The following KCNH8 variants were observed in gnomAD, a reference collection of about 807,000 sequenced individuals.
The protein encoded by KCNH8 is voltage-gated delayed rectifier potassium channel KCNH8.
Under a neutral mutation model 103.6 loss-of-function variants are expected in KCNH8, and 70 were observed. The observed-to-expected ratio is 0.68, with a 90% CI of 0.56 to 0.82. The LOEUF (loss-of-function observed/expected upper bound fraction) is 0.82. Ranked by LOEUF, KCNH8 falls within the 40% of genes least tolerant of loss-of-function variation. The pLI is 0.00. For missense variants in KCNH8, 1,217 were observed against 1,329.9 expected, an observed-to-expected ratio of 0.92 and a Z score of 1.32; for synonymous variants, 498 against 489.4, an observed-to-expected ratio of 1.02 and a Z score of -0.23.
rs963733879 is a variant in KCNH8 at position 19,491,449 on chromosome 3, T to G, written c.2041-18914T>G. ...TGGTATTTAGTTTTCTGTCCCCCAT[T>G]AGTTTGCTGAGGATTCTTGCCTCCA... On this transcript the variant is annotated intron_variant, in intron 11 of 15. Coordinates refer to ENST00000328405, the MANE Select transcript of KCNH8 (RefSeq NM_144633.3). Among the ~76,000 whole-genome samples the G allele has an allele frequency of 3.9e-5, 6 of 152,212 alleles. 1 individual carries two copies. The highest frequency in any genetic ancestry group is 1.4e-4 in the African/African-American group (6 of 41,444).
At chr3:19,510,470 C>A in intron 12 of KCNH8, 69 bp downstream of exon 12, 1 of 971,350 alleles carries the variant, frequency 1.0e-6, no homozygotes, top group Non-Finnish European at 1.7e-6. Flanking sequence ...TCTGTCTTGT[C>A]TTTCTCTTCA....
rs2066419691 is a variant in KCNH8 at position 19,390,420 on chromosome 3, T to C, written c.812-61T>C. On this transcript the variant is annotated intron_variant, in intron 5 of 15. Transcript: ENST00000328405. ...TTCTTCTTTCTTTCATTGTCCTTCC[T>C]ACCTTCTTTATTCTTCTCTGTCTCT... is the stretch of plus-strand genomic sequence containing the variant. 92 of 1,294,398 alleles carry C rather than the reference T, an allele frequency of 7.1e-5. 2 individuals are homozygous for C. The South Asian group carries it at 1.2e-3, about 17-fold the overall frequency. 80.2% of individuals were successfully genotyped at this position (1,294,398 alleles called of 1,614,324 possible).
chr3:19,213,081 A>G (rs917772605), intron 1 of KCNH8, among the ~76,000 whole-genome samples: 5 of 152,206 alleles, frequency 3.3e-5, no homozygotes, highest in Non-Finnish European at 5.9e-5. Flanking sequence ...CTTGGAGATC[A>G]TAGACTCCTT....
At chr3:19,353,641 T>G (rs1391048460) in intron 5 of KCNH8, among the ~76,000 whole-genome samples, 2 of 152,178 alleles carry the variant, frequency 1.3e-5, no homozygotes, top group South Asian at 4.1e-4. Flanking sequence ...ACCACATGAT[T>G]ATCTCAATAG....
chr3:19,157,258 A>G (rs2063190051), intron 1 of KCNH8, among the ~76,000 whole-genome samples: 1 of 152,140 alleles, frequency 6.6e-6, no homozygotes, highest in African/African-American at 2.4e-5. Flanking sequence ...AGAATAAAGT[A>G]GAAGGTAAAA....
At chr3:19,283,444 A>G (rs113486096) in intron 3 of KCNH8, among the ~76,000 whole-genome samples, 171 of 152,320 alleles carry the variant, frequency 1.1e-3, no homozygotes, top group African/African-American at 3.9e-3. Flanking sequence ...TGTGCAAAAT[A>G]TGATTTAATT....
intron 3 of KCNH8, among the ~76,000 whole-genome samples, chr3:19,331,687 C>T (rs2065512277): frequency 6.6e-6 from 1 of 152,144 alleles, no homozygotes; most frequent in South Asian, 2.1e-4. Flanking sequence ...ATAGTCACAT[C>T]AGGGTAAATG....
intron 11 of KCNH8, among the ~76,000 whole-genome samples, chr3:19,465,474 C>T (rs1378671966): frequency 6.6e-6 from 1 of 152,084 alleles, no homozygotes; most frequent in East Asian, 1.9e-4. Context: ...CCCAAGAGCT[C>T]TGATGGAGAT....
chr3:19,375,119 G>A (rs1029544624), intron 5 of KCNH8, among the ~76,000 whole-genome samples: 10 of 151,502 alleles, frequency 6.6e-5, no homozygotes, highest in East Asian at 1.9e-4. Flanking sequence ...TCTTTGTGGC[G>A]TTCTCTGTAT....
chr3:19,152,181 A>G (rs2125178867), intron 1 of KCNH8, among the ~76,000 whole-genome samples: 1 of 152,288 alleles, frequency 6.6e-6, no homozygotes, highest in African/African-American at 2.4e-5. Context: ...AATTTAAGAA[A>G]ATCTTTTCTG....
intron 11 of KCNH8, among the ~76,000 whole-genome samples, chr3:19,494,873 C>T (rs111306970): frequency 3.6e-4 from 54 of 151,052 alleles, no homozygotes; most frequent in African/African-American, 1.3e-3. Context: ...TATTTTTCAA[C>T]TTTTAATAAT....
chr3:19,489,820 G>T (rs1255322490), intron 11 of KCNH8, among the ~76,000 whole-genome samples: 1 of 152,032 alleles, frequency 6.6e-6, no homozygotes, highest in Non-Finnish European at 1.5e-5. Context: ...TCAAATCCAA[G>T]CCAGGTCAAA....
intron 5 of KCNH8, among the ~76,000 whole-genome samples, chr3:19,374,320 T>C (rs1320391455): frequency 4.6e-5 from 7 of 151,762 alleles, no homozygotes; most frequent in African/African-American, 1.5e-4. Context: ...CTATTTAGGA[T>C]AGTTAGCTCT....
chr3:19,300,326 TTGAA>T (rs1270910750), intron 3 of KCNH8, among the ~76,000 whole-genome samples: 1 of 151,970 alleles, frequency 6.6e-6, no homozygotes, highest in Non-Finnish European at 1.5e-5. Flanking sequence ...AAGCTAGTAT[TTGAA>T]TGACCAGTTT....
rs144669429 is a variant in KCNH8, at chr3:19,281,188, A to G, written c.311-10A>G. The G allele has an allele frequency of 1.1e-4, 168 of 1,597,716 alleles. No individual in the cohort carries two copies. The East Asian group carries it at 3.5e-3, about 33-fold the overall frequency. ...GGTTGATTTGTATTTTTTTTTCTTT[A>G]CTGTTGCAGGGTCTCCATTTTGGTG... On this transcript the variant is annotated splice_polypyrimidine_tract_variant and intron_variant, in intron 2 of 15. Coordinates refer to ENST00000328405, the MANE Select transcript of KCNH8 (RefSeq NM_144633.3).
At chr3:19,304,132 T>C (rs1382642881) in intron 3 of KCNH8, among the ~76,000 whole-genome samples, 1 of 152,200 alleles carries the variant, frequency 6.6e-6, no homozygotes, top group Non-Finnish European at 1.5e-5. Flanking sequence ...CCAAGAAGTC[T>C]ATACCCTTTC....
chr3:19,256,047 C>T (rs2064342485), intron 2 of KCNH8, among the ~76,000 whole-genome samples: 1 of 152,106 alleles, frequency 6.6e-6, no homozygotes, highest in South Asian at 2.1e-4. Flanking sequence ...CACAGGGTTT[C>T]TCAACCTTGC....
intron 11 of KCNH8, among the ~76,000 whole-genome samples, chr3:19,469,387 C>A (rs2125200891): frequency 6.6e-6 from 1 of 152,152 alleles, no homozygotes; most frequent in South Asian, 2.1e-4. Flanking sequence ...TAAATAATGG[C>A]CTGGGAATTG....
chr3:19,509,551 C>T (rs926079227), intron 11 of KCNH8, among the ~76,000 whole-genome samples: 1 of 152,110 alleles, frequency 6.6e-6, no homozygotes, highest in African/African-American at 2.4e-5. Flanking sequence ...TTAAGATATT[C>T]CTCTATAGTG....
Sources: allele counts gnomAD v4.1 joint callset (sites outside exome capture counted in the v4.1 genomes callset), GRCh38; gene constraint gnomAD v4.1.1; transcripts MANE v1.5; gene names NCBI Gene and HGNC (gene_info 2026-07-23, HGNC 2026-07-21).